GPAT2: variants seen among roughly 807,000 people sequenced by gnomAD.
The protein encoded by GPAT2 is 1-acylglycerol-3-phosphate O-acyltransferase GPAT2.
GPAT2 carries 51 observed loss-of-function variants against 71.0 expected under a neutral mutation model. The observed-to-expected ratio is 0.72, with a 90% CI of 0.57 to 0.91. The LOEUF (loss-of-function observed/expected upper bound fraction) is 0.91, where lower values mean the gene tolerates loss of function less well. GPAT2 is among the 40% of genes least tolerant of loss of function. The pLI, the probability that GPAT2 is intolerant of heterozygous loss-of-function variation, is 0.00. For missense variants in GPAT2, 511 were observed against 666.0 expected, an observed-to-expected ratio of 0.77 and a Z score of 2.56; for synonymous variants, 222 against 290.3, an observed-to-expected ratio of 0.76 and a Z score of 2.39.
In GPAT2 at chr2:96,032,063, G is replaced by A. The variant is rs1462057026; in HGVS notation, c.147C>T (p.Arg49=). The change falls in exon 3 of 22, where the codon CGC becomes CGT. Residue 49 remains arginine, a synonymous_variant. Coordinates refer to ENST00000434632, the MANE Select transcript of GPAT2 (RefSeq NM_001321527.2). The part of the protein sequence containing the change: ...FLGKYRPFVG[R]CCQTCTPKSW... Reference sequence around the variant, plus strand: ...TCTTGGGGGTGCAGGTCTGGCAACAGCGACCCACAAAGGGGCGATACTTCC... The same window carrying A: ...TCTTGGGGGTGCAGGTCTGGCAACAACGACCCACAAAGGGGCGATACTTCC... 6.5e-7 allele frequency: 1 copy of A among 1,542,054 alleles called. No individual in the cohort carries two copies. The highest frequency in any genetic ancestry group is 1.5e-5 in the African/African-American group (1 of 67,836).
At chr2:96,022,618 A>T (rs149224885) in intron 21 of GPAT2, 50 bp downstream of exon 21, 2 of 1,592,270 alleles carry the variant, frequency 1.3e-6, no homozygotes, top group African/African-American at 2.7e-5. Flanking sequence ...GAGCTACTCT[A>T]TTGGGGTGGG....
chr2:96,026,014 T>G lies in GPAT2; in HGVS notation c.1156-2A>C. 2 of 1,612,742 alleles carry G rather than the reference T, an allele frequency of 1.2e-6. No homozygotes were observed. Among genetic ancestry groups the G allele is most frequent in the South Asian group, 2.2e-5 (2 of 91,032 alleles). On this transcript the variant is annotated splice_acceptor_variant, in intron 11 of 21. Coordinates refer to ENST00000434632, the MANE Select transcript of GPAT2 (RefSeq NM_001321527.2). LOFTEE classifies it high-confidence loss of function. ...GCTTCTGGCACTGACGATGTATTCC[T>G]GCCCAAGAGAAGGCTCTTAGGTGGC...
intron 17 of GPAT2, 189 bp downstream of exon 17, chr2:96,023,734 A>G: frequency 3.5e-6 from 4 of 1,142,370 alleles, no homozygotes; most frequent in Non-Finnish European, 4.9e-6. Flanking sequence ...ACCGGGGCAT[A>G]GGTGGCTATA....
chr2:96,024,690 G>C lies in GPAT2; in HGVS notation c.1429-5C>G, dbSNP rs774827939. On this transcript the variant is annotated splice_region_variant and splice_polypyrimidine_tract_variant and intron_variant, in intron 14 of 21. Coordinates refer to ENST00000434632, the MANE Select transcript of GPAT2 (RefSeq NM_001321527.2). ...GAGCTGCGACAGGAACACACCCTGG[G>C]TGGGCAGAGCAGGGCTAGGCAGCAG... The C allele has an allele frequency of 1.9e-6, 3 of 1,613,654 alleles. No individual in the cohort carries two copies. Among genetic ancestry groups the C allele is most frequent in the Admixed American group, 1.7e-5 (1 of 59,992 alleles).
rs1679932524 is a variant in GPAT2 at position 96,023,305 on chromosome 2, A to G, written c.2046+4T>C. 7 of 1,614,132 alleles carry G rather than the reference A, an allele frequency of 4.3e-6. No homozygotes were observed. The highest frequency in any genetic ancestry group is 5.9e-6 in the Non-Finnish European group (7 of 1,179,986). On this transcript the variant is annotated splice_donor_region_variant and intron_variant, in intron 18 of 21. Coordinates refer to ENST00000434632, the MANE Select transcript of GPAT2 (RefSeq NM_001321527.2). ...CCCTCCAGGGGCAGCTTTTTGAAAC[A>G]CACCCTGAAGTACCGGCCGTCAGCC... is the stretch of plus-strand genomic sequence containing the variant.
chr2:96,026,246 G>T lies in GPAT2; in HGVS notation c.1092C>A (p.Ser364Arg), dbSNP rs1247922876. Residue 364 changes from serine (S) to arginine (R), a missense_variant, in exon 11 of 22, where the codon AGC (serine) becomes AGA (arginine). Coordinates refer to ENST00000434632, the MANE Select transcript of GPAT2 (RefSeq NM_001321527.2). ...GALAVLRSLW[S>R]RWGCSHRICS... is the part of the protein sequence containing the mutation. ...AGATCCGGTGGCTGCAGCCCCAGCG[G>T]CTCCACAAGCTACGTAGGACAGCCA... 7 of 1,610,094 alleles carry T rather than the reference G, an allele frequency of 4.3e-6. No individual in the cohort carries two copies. The highest frequency in any genetic ancestry group is 5.9e-6 in the Non-Finnish European group (7 of 1,178,654).
At chr2:96,033,717 CA>C (rs1401723636) in intron 1 of GPAT2, among the ~76,000 whole-genome samples, 1 of 89,712 alleles carries the variant, frequency 1.1e-5, no homozygotes, top group Admixed American at 1.3e-4. Flanking sequence ...TAGCCCTGTT[CA>C]CAGACACATG....
At chr2:96,022,302 T>C in intron 21 of GPAT2, 27 bp from the exon 22 acceptor site, 1 of 1,564,884 alleles carries the variant, frequency 6.4e-7, no homozygotes, top group Non-Finnish European at 8.7e-7. Context: ...AAGCCGTGAG[T>C]GCGCTCACCA....
At chr2:96,023,269 C>A (rs1679923204) in intron 18 of GPAT2, 40 bp downstream of exon 18, 1 of 1,613,764 alleles carries the variant, frequency 6.2e-7, no homozygotes, top group African/African-American at 1.3e-5. Context: ...CCCACCGCCT[C>A]CCTACCACCT....
rs1178304424 is a variant in GPAT2, at chr2:96,022,379, G to A, written c.2290-104C>T. The A allele has an allele frequency of 1.0e-5, 14 of 1,349,502 alleles. No individual in the cohort carries two copies. In the African/African-American group the frequency reaches 2.1e-4, roughly 20 times the overall value. The allele number at this position is 1,349,502 out of a possible 1,614,324, so 83.6% of individuals were successfully genotyped here. A position where few individuals can be genotyped will look rare whatever the true frequency, so the allele number is the denominator to read the frequency against. On this transcript the variant is annotated intron_variant, in intron 21 of 21. Transcript: ENST00000434632. ...CCAGAAACCTGCCTTGAGACCTCTG[G>A]CCCCTTAGACCTCAATGTTTGCGTG...
At chr2:96,033,999 T>C (rs1263141186) in intron 1 of GPAT2, among the ~76,000 whole-genome samples, 1 of 151,710 alleles carries the variant, frequency 6.6e-6, no homozygotes, top group Non-Finnish European at 1.5e-5. Context: ...ATATAATACA[T>C]ATATACATAT....
intron 21 of GPAT2, 96 bp from the exon 22 acceptor site, chr2:96,022,371 G>T: frequency 7.2e-7 from 1 of 1,393,910 alleles, no homozygotes; most frequent in Non-Finnish European, 9.6e-7. Context: ...CCTGCCTTGA[G>T]ACCTCTGGCC....
chr2:96,025,966 A>G lies in GPAT2; in HGVS notation c.1202T>C (p.Leu401Pro), dbSNP rs1680356234. The change falls in exon 12 of 22, where the codon CTG becomes CCG. Residue 401 changes from leucine (L) to proline (P), a missense_variant. Leu to Pro is a moderately conservative substitution (Grantham distance 98, BLOSUM62 -3). Around this residue, in one of 7 missense-constraint regions of GPAT2, gnomAD observed 79 missense variants for 111.4 expected, o/e 0.71. Coordinates refer to ENST00000434632, the MANE Select transcript of GPAT2 (RefSeq NM_001321527.2). Reference sequence around the variant, plus strand: ...CACGATGGGCTGCAGTAGCTGCTCCAGGGTCTGTCTGCCGCCCCAGCAGCT... The same window carrying G: ...CACGATGGGCTGCAGTAGCTGCTCCGGGGTCTGTCTGCCGCCCCAGCAGCT... ...ARSCWGGRQTLEQLLQPIVLG... is the reference protein window; with the variant it reads ...ARSCWGGRQTPEQLLQPIVLG... 1 of 1,612,508 alleles carries G rather than the reference A, an allele frequency of 6.2e-7. No individual in the cohort carries two copies. Among genetic ancestry groups the G allele is most frequent in the Non-Finnish European group, 8.5e-7 (1 of 1,179,794 alleles).
intron 21 of GPAT2, among the ~76,000 whole-genome samples, 171 bp downstream of exon 21, chr2:96,022,494 TCTC>T (rs1265754999): frequency 1.3e-5 from 2 of 151,978 alleles, no homozygotes; most frequent in African/African-American, 4.8e-5. Flanking sequence ...CATCCCACCT[TCTC>T]CAACCCATCA....
chr2:96,023,747 C>T, intron 17 of GPAT2, 176 bp downstream of exon 17: 1 of 1,231,916 alleles, frequency 8.1e-7, no homozygotes, highest in Non-Finnish European at 1.1e-6. Context: ...TGGCTATATC[C>T]CAAGGCACAG....
chr2:96,025,525 G>A lies in GPAT2; in HGVS notation c.1317C>T (p.Asp439=). 6.4e-7 allele frequency: 1 copy of A among 1,559,764 alleles called. No individual in the cohort carries two copies. Among genetic ancestry groups the A allele is most frequent in the Non-Finnish European group, 8.7e-7 (1 of 1,154,322 alleles). ...AGCTCAGTCTCCTGACCAGGAGCTG[G>A]TCCTCTTCCTTGAGGGCCAGGAGAG... ...TGPLLALKEE[D]QLLVRRLSCH... Residue 439 remains aspartate (D), a synonymous_variant, in exon 13 of 22, where the codon GAC becomes GAT. Transcript: ENST00000434632.
intron 1 of GPAT2, among the ~76,000 whole-genome samples, chr2:96,033,888 T>A (rs1337454835): frequency 5.1e-5 from 7 of 137,684 alleles, no homozygotes; most frequent in Admixed American, 1.5e-4. Flanking sequence ...ATCTGCCAGT[T>A]AACAACACAG....
intron 21 of GPAT2, 108 bp downstream of exon 21, chr2:96,022,560 C>T: frequency 1.7e-6 from 2 of 1,165,450 alleles, no homozygotes; most frequent in South Asian, 1.2e-5. Context: ...TAATGAGGCA[C>T]CATCAGGCCA....
At position 96,022,695 on chromosome 2, in the gene GPAT2, A is replaced by G. The variant is rs781252016; in HGVS notation, c.2262T>C (p.Ser754=). 5.0e-6 allele frequency: 8 copies of G among 1,613,892 alleles called. No individual in the cohort carries two copies. The African/African-American group carries it at 9.3e-5, about 19-fold the overall frequency. ...FECADPKLAI[S]AVWTFRDLGV... ...CTAGGTCTCTGAAGGTCCAGACAGC[A>G]CTGATGGCGAGCTTTGGGTCCGCAC... Residue 754 remains serine (S), a synonymous_variant, in exon 21 of 22, where the codon AGT becomes AGC. Coordinates refer to ENST00000434632, the MANE Select transcript of GPAT2 (RefSeq NM_001321527.2).
Sources: allele counts gnomAD v4.1 joint callset (sites outside exome capture counted in the v4.1 genomes callset), GRCh38; gene constraint gnomAD v4.1.1; regional missense constraint gnomAD v4.1.1; transcripts MANE v1.5; gene names NCBI Gene and HGNC (gene_info 2026-07-23, HGNC 2026-07-21).